The following PRDM16 variants were observed in gnomAD, a reference collection of about 807,000 sequenced individuals.
PRDM16 encodes the protein histone-lysine N-methyltransferase PRDM16.
A neutral mutation model predicts 110.6 loss-of-function variants in PRDM16; 23 were observed. That is an observed-to-expected ratio of 0.21 (90% confidence interval 0.15 to 0.29). The LOEUF (loss-of-function observed/expected upper bound fraction) is 0.29. Among genes scored for constraint, PRDM16 ranks in the 10% least tolerant of loss-of-function variants. The pLI, the probability that PRDM16 is intolerant of heterozygous loss-of-function variation, is 1.00. For synonymous variants in PRDM16, 799 were observed against 781.8 expected, an observed-to-expected ratio of 1.02 and a Z score of -0.37; for missense variants, 1,615 against 1,794.3, an observed-to-expected ratio of 0.90 and a Z score of 1.81.
intron 1 of PRDM16, among the ~76,000 whole-genome samples, chr1:3,120,665 G>A (rs1233186707): frequency 6.6e-6 from 1 of 152,162 alleles, no homozygotes; most frequent in African/African-American, 2.4e-5. Flanking sequence ...GCGTCTCTGC[G>A]CTGGAGCTTC....
chr1:3,391,692 C>T (rs1019773475), intron 4 of PRDM16, among the ~76,000 whole-genome samples: 1 of 152,260 alleles, frequency 6.6e-6, no homozygotes, highest in Non-Finnish European at 1.5e-5. Flanking sequence ...AGGAAGGTGG[C>T]GAAGCCCGGG....
chr1:3,172,426 G>C (rs987587975), intron 1 of PRDM16, among the ~76,000 whole-genome samples: 9 of 152,170 alleles, frequency 5.9e-5, no homozygotes, highest in African/African-American at 2.2e-4. Context: ...TTTCACTTGG[G>C]TGGAATAGCC....
chr1:3,118,015 T>C (rs949696225), intron 1 of PRDM16, among the ~76,000 whole-genome samples: 5 of 151,092 alleles, frequency 3.3e-5, no homozygotes, highest in Admixed American at 2.0e-4. Flanking sequence ...TGTGCGTGTG[T>C]GCATGTGTAC....
chr1:3,318,520 T>C (rs754731779), intron 3 of PRDM16, among the ~76,000 whole-genome samples: 6 of 150,442 alleles, frequency 4.0e-5, no homozygotes, highest in Admixed American at 1.4e-4. Flanking sequence ...TTGTTGATTA[T>C]CTATCAATTG....
Position 3,411,557 on chromosome 1 carries a change from G to T in PRDM16, c.1360G>T (p.Gly454Cys). 1.2e-6 allele frequency: 2 copies of T among 1,614,070 alleles called. No individual in the cohort carries two copies. The highest frequency in any genetic ancestry group is 1.7e-6 in the Non-Finnish European group (2 of 1,180,032). The change falls in exon 9 of 17, where the codon GGC becomes TGC. Residue 454 changes from glycine to cysteine, a missense_variant. By Grantham distance (159) the Gly-to-Cys change is radical. Around this residue, in one of 5 missense-constraint regions of PRDM16, gnomAD observed 772 missense variants for 748.3 expected, o/e 1.03. Transcript: ENST00000270722. ...CGAGGGCAAGAACCATTACACGCCG[G>T]GCGGCATCTTTGCCCCGGGCCTGCC... ...FCEGKNHYTP[G>C]GIFAPGLPLT...
rs1448970236 is a variant in PRDM16, at chr1:3,070,275, G to C, written c.37+979G>C. ...CCGCGCGCCCCGCCTGCCGCCAGCC[G>C]GTCCTTGCCGCGGGCCGGGTGCTCC... is the stretch of plus-strand genomic sequence containing the variant. On this transcript the variant is annotated intron_variant, in intron 1 of 16. Coordinates refer to ENST00000270722, the MANE Select transcript of PRDM16 (RefSeq NM_022114.4). 2.0e-5 allele frequency among the ~76,000 whole-genome samples: 3 copies of C among 149,842 alleles called. No individual in the cohort carries two copies. In the East Asian group the frequency reaches 5.9e-4, roughly 30 times the overall value.
At chr1:3,386,527 C>T (rs1282955240) in intron 4 of PRDM16, 1 of 152,126 alleles carries the variant, frequency 6.6e-6, no homozygotes, top group African/African-American at 2.4e-5. Context: ...CATGAATCTA[C>T]GCTACTACCA....
In PRDM16 at chr1:3,292,397, C is replaced by G. The variant is rs1035829068; in HGVS notation, c.438+48260C>G. On this transcript the variant is annotated intron_variant, in intron 3 of 16. Transcript: ENST00000270722. ...CTCTGTCCCGCAGCCTTTGATCCTCCGCCCAGTGTCTCCAGCGAGAGAGAA... is the reference window on the plus strand; with the variant it reads ...CTCTGTCCCGCAGCCTTTGATCCTCGGCCCAGTGTCTCCAGCGAGAGAGAA... Among the ~76,000 whole-genome samples, 4 of 152,192 alleles carry G rather than the reference C, an allele frequency of 2.6e-5. No homozygotes were observed. The South Asian group carries it at 8.3e-4, about 32-fold the overall frequency.
intron 3 of PRDM16, among the ~76,000 whole-genome samples, chr1:3,357,396 C>G (rs1642628518): frequency 6.7e-6 from 1 of 149,710 alleles, no homozygotes; most frequent in Non-Finnish European, 1.5e-5. Flanking sequence ...GTGTGCTTCC[C>G]TCCTGGGTCT....
chr1:3,078,507 C>T (rs1021343018), intron 1 of PRDM16, among the ~76,000 whole-genome samples: 2 of 152,236 alleles, frequency 1.3e-5, no homozygotes, highest in African/African-American at 4.8e-5. Flanking sequence ...TCTGCACTGG[C>T]GCGGAGGTGC....
At chr1:3,178,205 AC>A (rs1211245094) in intron 1 of PRDM16, among the ~76,000 whole-genome samples, 2 of 152,334 alleles carry the variant, frequency 1.3e-5, no homozygotes, top group African/African-American at 2.4e-5. Context: ...CAATAAAAAA[AC>A]GCCTTTCATG....
intron 1 of PRDM16, among the ~76,000 whole-genome samples, chr1:3,123,048 T>G (rs1427140194): frequency 6.6e-6 from 1 of 152,144 alleles, no homozygotes; most frequent in Non-Finnish European, 1.5e-5. Context: ...AGGTCCTGGA[T>G]GAGAAGTCAG....
chr1:3,236,749 G>T (rs1442733092), intron 2 of PRDM16, among the ~76,000 whole-genome samples: 1 of 152,252 alleles, frequency 6.6e-6, no homozygotes, highest in African/African-American at 2.4e-5. Context: ...CTCCCCTGCT[G>T]TCAAATTCGG....
intron 3 of PRDM16, among the ~76,000 whole-genome samples, chr1:3,361,537 G>C (rs1490613065): frequency 6.6e-6 from 1 of 152,252 alleles, no homozygotes; most frequent in African/African-American, 2.4e-5. Flanking sequence ...GCATGCCACA[G>C]TCCACATCCT....
chr1:3,072,677 G>A (rs1198149083), intron 1 of PRDM16, among the ~76,000 whole-genome samples: 6 of 152,158 alleles, frequency 3.9e-5, no homozygotes, highest in Admixed American at 6.5e-5. Context: ...AGTTGGCCCC[G>A]TCCACCAGTC....
chr1:3,126,153 C>A (rs1336752014), intron 1 of PRDM16, among the ~76,000 whole-genome samples: 1 of 152,218 alleles, frequency 6.6e-6, no homozygotes. Context: ...GAGAAAGGGG[C>A]CATTGTGGGC....
In PRDM16 at chr1:3,412,631, C is replaced by A; in HGVS notation, c.2434C>A (p.Arg812Ser). The A allele has an allele frequency of 6.3e-7, 1 of 1,578,318 alleles. No individual in the cohort carries two copies. Among genetic ancestry groups the A allele is most frequent in the Non-Finnish European group, 8.6e-7 (1 of 1,161,518 alleles). Reference protein sequence around the residue: ...PLDLSIGSRARASQNGGGREP... With the variant: ...PLDLSIGSRASASQNGGGREP... ...GGACCTGAGCATCGGCAGCCGGGCC[C>A]GTGCCAGCCAAAACGGCGGCGGGCG... Residue 812 changes from arginine (R) to serine (S), a missense_variant, in exon 9 of 17, where the codon CGT becomes AGT. Coordinates refer to ENST00000270722, the MANE Select transcript of PRDM16 (RefSeq NM_022114.4).
At chr1:3,276,334 G>A (rs1316076983) in intron 3 of PRDM16, among the ~76,000 whole-genome samples, 2 of 152,224 alleles carry the variant, frequency 1.3e-5, no homozygotes, top group African/African-American at 4.8e-5. Context: ...GCAGACTCCA[G>A]CAGCGACCAG....
chr1:3,173,246 A>T (rs1486154291), intron 1 of PRDM16, among the ~76,000 whole-genome samples: 2 of 152,200 alleles, frequency 1.3e-5, no homozygotes, highest in South Asian at 2.1e-4. Context: ...GGAGAGGAAG[A>T]AAAAAGGCCA....
Sources: allele counts gnomAD v4.1 joint callset (sites outside exome capture counted in the v4.1 genomes callset), GRCh38; gene constraint gnomAD v4.1.1; regional missense constraint gnomAD v4.1.1; transcripts MANE v1.5; gene names NCBI Gene and HGNC (gene_info 2026-07-23, HGNC 2026-07-21).